The following ARHGAP10 variants were observed in gnomAD, a reference collection of about 807,000 sequenced individuals.
ARHGAP10 encodes rho GTPase-activating protein 10.
A neutral mutation model predicts 108.6 loss-of-function variants in ARHGAP10; 87 were observed. That is an observed-to-expected ratio of 0.80 (90% confidence interval 0.67 to 0.96). The LOEUF (loss-of-function observed/expected upper bound fraction) is 0.96. ARHGAP10 is among the 40% of genes least tolerant of loss of function. The pLI is 0.00. For missense variants in ARHGAP10, 939 were observed against 954.5 expected, an observed-to-expected ratio of 0.98 and a Z score of 0.21; for synonymous variants, 347 against 341.1, an observed-to-expected ratio of 1.02 and a Z score of -0.19.
chr4:147,740,605 T>G (rs1052304685), intron 1 of ARHGAP10, among the ~76,000 whole-genome samples: 3 of 152,176 alleles, frequency 2.0e-5, no homozygotes, highest in African/African-American at 7.2e-5. Context: ...GTATTATGAG[T>G]ACAGTATAGA....
intron 1 of ARHGAP10, among the ~76,000 whole-genome samples, chr4:147,786,426 A>G (rs142999495): frequency 1.0e-3 from 159 of 152,290 alleles, no homozygotes; most frequent in African/African-American, 3.2e-3. Context: ...GTTCTTAGCA[A>G]TGGCAGGGAG....
chr4:147,854,247 T>A lies in ARHGAP10; in HGVS notation c.385-3306T>A, dbSNP rs118091874. Among the ~76,000 whole-genome samples, 10 of 152,334 alleles carry A rather than the reference T, an allele frequency of 6.6e-5. No individual in the cohort carries two copies. In the East Asian group the frequency reaches 1.9e-3, roughly 29 times the overall value. On this transcript the variant is annotated intron_variant, in intron 4 of 22. Coordinates refer to ENST00000336498, the MANE Select transcript of ARHGAP10 (RefSeq NM_024605.4). ...TCGTGTTGTTACAATTAAGAAAAAATGTGTTGCCACCATAAAAATCATTGG... is the reference window on the plus strand; with the variant it reads ...TCGTGTTGTTACAATTAAGAAAAAAAGTGTTGCCACCATAAAAATCATTGG...
chr4:147,870,431 G>T (rs1437926001), intron 7 of ARHGAP10, among the ~76,000 whole-genome samples: 7 of 151,962 alleles, frequency 4.6e-5, no homozygotes, highest in Non-Finnish European at 1.0e-4. Context: ...AAATATTTTG[G>T]TCATCTTTTA....
chr4:147,907,785 C>G (rs950383007), intron 11 of ARHGAP10, among the ~76,000 whole-genome samples: 3 of 152,130 alleles, frequency 2.0e-5, no homozygotes, highest in Non-Finnish European at 4.4e-5. Flanking sequence ...AACAAAGCAT[C>G]CTTGGTCAGA....
chr4:147,958,199 C>T (rs570363273), intron 16 of ARHGAP10, among the ~76,000 whole-genome samples: 1 of 152,256 alleles, frequency 6.6e-6, no homozygotes, highest in Non-Finnish European at 1.5e-5. Context: ...TGTGTGTCAG[C>T]CTTTTGGCCT....
At chr4:147,793,053 A>G (rs1296614388) in intron 1 of ARHGAP10, among the ~76,000 whole-genome samples, 1 of 152,004 alleles carries the variant, frequency 6.6e-6, no homozygotes, top group Non-Finnish European at 1.5e-5. Context: ...CAGGAGAATC[A>G]CTTGAACCTG....
chr4:147,819,031 A>T, intron 1 of ARHGAP10, among the ~76,000 whole-genome samples: 1 of 152,250 alleles, frequency 6.6e-6, no homozygotes. Context: ...GGTACAAAGC[A>T]TGCTCTTTAC....
At position 147,906,708 on chromosome 4, in the gene ARHGAP10, G is replaced by A. The variant is rs1227044589; in HGVS notation, c.1105G>A (p.Gly369Arg). Residue 369 changes from glycine to arginine, a missense_variant, in exon 11 of 23, where the codon GGA becomes AGA. Gly to Arg is a moderately radical substitution (Grantham distance 125, BLOSUM62 -2). Coordinates refer to ENST00000336498, the MANE Select transcript of ARHGAP10 (RefSeq NM_024605.4). Reference sequence around the variant, plus strand: ...GAAGCAGTGGTTGGAAGCTCTGGGTGGAAAGGAAGCTGTAAGAATAATCAA... The same window carrying A: ...GAAGCAGTGGTTGGAAGCTCTGGGTAGAAAGGAAGCTGTAAGAATAATCAA... ...ERKQWLEALG[G>R]KEALSHSFNT... 2 of 1,614,006 alleles carry A rather than the reference G, an allele frequency of 1.2e-6. No individual in the cohort carries two copies. Among genetic ancestry groups the A allele is most frequent in the African/African-American group, 1.3e-5 (1 of 74,930 alleles).
At chr4:147,864,750 G>A (rs527760020) in intron 5 of ARHGAP10, 96 bp from the exon 6 acceptor site, 455 of 974,160 alleles carry the variant, frequency 4.7e-4, no homozygotes, top group Non-Finnish European at 6.5e-4. Context: ...GCAGCACACC[G>A]TATTTTGGCC....
intron 13 of ARHGAP10, among the ~76,000 whole-genome samples, chr4:147,935,464 T>G (rs1021359862): frequency 1.3e-5 from 2 of 152,216 alleles, no homozygotes; most frequent in African/African-American, 4.8e-5. Context: ...GTCTGAAGTT[T>G]GAAGAAAGAG....
intron 13 of ARHGAP10, among the ~76,000 whole-genome samples, chr4:147,928,428 TCCTAAGA>T (rs1737545832): frequency 6.6e-6 from 1 of 152,102 alleles, no homozygotes; most frequent in South Asian, 2.1e-4. Flanking sequence ...GGGAATGAGA[TCCTAAGA>T]CCTTTCCTGA....
intron 18 of ARHGAP10, among the ~76,000 whole-genome samples, chr4:147,970,884 T>C (rs769592775): frequency 1.3e-5 from 2 of 152,106 alleles, no homozygotes; most frequent in African/African-American, 2.4e-5. Context: ...GGTCAGGAGT[T>C]CGAGACCAGC....
intron 10 of ARHGAP10, among the ~76,000 whole-genome samples, chr4:147,882,221 G>C (rs761975889): frequency 6.6e-6 from 1 of 152,106 alleles, no homozygotes; most frequent in Non-Finnish European, 1.5e-5. Flanking sequence ...CCAGCACTTT[G>C]GGAGGCCGAG....
At chr4:147,847,442 C>T (rs978286097) in intron 4 of ARHGAP10, among the ~76,000 whole-genome samples, 1 of 152,202 alleles carries the variant, frequency 6.6e-6, no homozygotes, top group Non-Finnish European at 1.5e-5. Context: ...TTGGGCTACA[C>T]CTTTCCATAT....
chr4:147,763,041 A>G (rs1159757420), intron 1 of ARHGAP10, among the ~76,000 whole-genome samples: 3 of 152,228 alleles, frequency 2.0e-5, no homozygotes, highest in Non-Finnish European at 4.4e-5. Flanking sequence ...AGCTAATTAT[A>G]TAATATGAAA....
At chr4:147,823,471 C>T (rs1373506547) in intron 3 of ARHGAP10, among the ~76,000 whole-genome samples, 1 of 152,030 alleles carries the variant, frequency 6.6e-6, no homozygotes, top group Non-Finnish European at 1.5e-5. Flanking sequence ...AGAAGAACTA[C>T]CCTTGGCCAG....
At chr4:147,751,386 CAG>C (rs1202776526) in intron 1 of ARHGAP10, among the ~76,000 whole-genome samples, 1 of 148,624 alleles carries the variant, frequency 6.7e-6, no homozygotes, top group East Asian at 2.0e-4. Context: ...TTTTTTGAGA[CAG>C]AGTCTTGTTC....
chr4:147,752,810 A>AG (rs1423239616), intron 1 of ARHGAP10, among the ~76,000 whole-genome samples: 2 of 152,246 alleles, frequency 1.3e-5, no homozygotes, highest in East Asian at 3.8e-4. Context: ...TACAGGCGTG[A>AG]GCTGCCGCAC....
intron 18 of ARHGAP10, among the ~76,000 whole-genome samples, chr4:148,007,186 T>TTA: frequency 6.6e-6 from 1 of 152,198 alleles, no homozygotes; most frequent in East Asian, 1.9e-4. Flanking sequence ...TGGTTACAGT[T>TTA]TATTAACCTT....
Sources: allele counts gnomAD v4.1 joint callset (sites outside exome capture counted in the v4.1 genomes callset), GRCh38; gene constraint gnomAD v4.1.1; transcripts MANE v1.5; gene names NCBI Gene and HGNC (gene_info 2026-07-23, HGNC 2026-07-21).